Variants in TCF7L2 observed in about 807,000 individuals in gnomAD.
TCF7L2 encodes transcription factor 7 like 2, also known as transcription factor 7-like 2.
In TCF7L2, 23 loss-of-function variants were observed where a neutral mutation model predicts 77.9. The observed-to-expected ratio is 0.30, with a 90% CI of 0.21 to 0.42. The LOEUF (loss-of-function observed/expected upper bound fraction) is 0.42. Ranked by LOEUF, TCF7L2 falls within the 10% of genes least tolerant of loss-of-function variation. The probability of loss-of-function intolerance (pLI) is 1.00; values close to 1 mark genes in which losing one functional copy is unlikely to be tolerated. For missense variants in TCF7L2, 654 were observed against 793.1 expected (o/e 0.82, Z 2.11); for synonymous variants, 413 against 340.2 (o/e 1.21, Z -2.36).
At chr10:113,155,366 G>A (rs183375019) in intron 11 of TCF7L2, among the ~76,000 whole-genome samples, 32 of 152,060 alleles carry the variant, frequency 2.1e-4, no homozygotes, top group Admixed American at 1.2e-3. Context: ...TACCCATATC[G>A]TAGGCCCTTT....
intron 5 of TCF7L2, among the ~76,000 whole-genome samples, chr10:113,044,658 G>T (rs2053108217): frequency 6.6e-6 from 1 of 152,206 alleles, no homozygotes; most frequent in Admixed American, 6.5e-5. Context: ...GGCCTGGGCG[G>T]CTCCCTGAGG....
chr10:113,118,034 GT>G (rs1226936364), intron 5 of TCF7L2, among the ~76,000 whole-genome samples: 2 of 144,852 alleles, frequency 1.4e-5, no homozygotes, highest in African/African-American at 2.6e-5. Context: ...CAAAAACCAA[GT>G]TTTTTTTGGT....
intron 3 of TCF7L2, among the ~76,000 whole-genome samples, chr10:112,956,276 T>G (rs1161613920): frequency 2.0e-5 from 3 of 151,262 alleles, no homozygotes; most frequent in African/African-American, 7.3e-5. Context: ...AAATGCTCTC[T>G]CCTGCACAGG....
chr10:112,978,701 G>T (rs1451825230), intron 4 of TCF7L2, among the ~76,000 whole-genome samples: 1 of 148,232 alleles, frequency 6.7e-6, no homozygotes, highest in African/African-American at 2.5e-5. Flanking sequence ...GGATGGTCTC[G>T]ATCTCCTGAC....
chr10:113,096,745 C>G (rs1402881926), intron 5 of TCF7L2, among the ~76,000 whole-genome samples: 1 of 152,098 alleles, frequency 6.6e-6, no homozygotes, highest in Non-Finnish European at 1.5e-5. Flanking sequence ...GCCAGTGCAG[C>G]AGGGAGAAAA....
Position 113,041,106 on chromosome 10 carries a change from G to A in TCF7L2, c.552+980G>A, listed in dbSNP as rs2052365900. Among the ~76,000 whole-genome samples, 3 of 152,140 alleles carry A rather than the reference G, an allele frequency of 2.0e-5. No individual in the cohort carries two copies. The South Asian group carries it at 6.2e-4, about 31-fold the overall frequency. On this transcript the variant is annotated intron_variant, in intron 5 of 13. Coordinates refer to ENST00000627217, the MANE Select transcript of TCF7L2 (RefSeq NM_001146274.2). ...TGCATTCTGCCATTTTGGGCTAACT[G>A]CCTCCTTATTTTGGAGCTTGCTGTA...
chr10:112,959,166 T>C (rs1367747532), intron 3 of TCF7L2, among the ~76,000 whole-genome samples: 1 of 130,250 alleles, frequency 7.7e-6, no homozygotes, highest in Non-Finnish European at 1.6e-5. Flanking sequence ...AAGTTCAAGC[T>C]CAACTTTTTT....
At chr10:113,121,340 A>G (rs1161668723) in intron 5 of TCF7L2, among the ~76,000 whole-genome samples, 2 of 152,204 alleles carry the variant, frequency 1.3e-5, no homozygotes, top group Non-Finnish European at 2.9e-5. Flanking sequence ...TTTTCATGAC[A>G]ACATGCCATT....
intron 4 of TCF7L2, among the ~76,000 whole-genome samples, chr10:112,977,659 C>G (rs1282633375): frequency 6.6e-6 from 1 of 152,138 alleles, no homozygotes; most frequent in Non-Finnish European, 1.5e-5. Flanking sequence ...ATTTAAATCT[C>G]ATAATGTTAA....
intron 8 of TCF7L2, 153 bp downstream of exon 8, chr10:113,146,250 C>T (rs2069370619): frequency 5.8e-6 from 4 of 689,008 alleles, no homozygotes; most frequent in Middle Eastern, 3.3e-4. Context: ...CCAGAAAATC[C>T]TGAAAAATTG....
chr10:113,045,878 G>A (rs1023463141), intron 5 of TCF7L2, among the ~76,000 whole-genome samples: 1 of 152,164 alleles, frequency 6.6e-6, no homozygotes, highest in Admixed American at 6.5e-5. Context: ...TCGCAGTCAG[G>A]GCTGTGGTCA....
intron 4 of TCF7L2, among the ~76,000 whole-genome samples, chr10:112,992,463 T>A (rs1451124962): frequency 6.6e-6 from 1 of 152,138 alleles, no homozygotes; most frequent in Non-Finnish European, 1.5e-5. Context: ...GAGTTCCAGC[T>A]CACTGCCAAT....
At chr10:113,150,908 G>GTTTTTTTTTTTTTTTTTTTTTTTT in intron 8 of TCF7L2, 90 bp from the exon 9 acceptor site, 1 of 1,307,884 alleles carries the variant, frequency 7.6e-7, no homozygotes, top group Middle Eastern at 2.0e-4. Context: ...GTTACGTGCT[G>GTTTTTTTTTTTTTTTTTTTTTTTT]TTTTTTTTTT....
At chr10:113,095,273 G>A (rs75351685) in intron 5 of TCF7L2, among the ~76,000 whole-genome samples, 2,033 of 152,290 alleles carry the variant, frequency 0.013, 21 homozygotes, top group South Asian at 0.02. Flanking sequence ...TGCTTCGCAT[G>A]TATAGCCCCG....
At chr10:112,993,795 G>A (rs1036589953) in intron 4 of TCF7L2, among the ~76,000 whole-genome samples, 4 of 152,190 alleles carry the variant, frequency 2.6e-5, no homozygotes, top group Non-Finnish European at 4.4e-5. Flanking sequence ...GGTGGCTTAC[G>A]CCTGTAATCC....
chr10:112,988,101 C>T (rs946750603), intron 4 of TCF7L2, among the ~76,000 whole-genome samples: 4 of 148,432 alleles, frequency 2.7e-5, no homozygotes, highest in South Asian at 2.1e-4. Flanking sequence ...CTGTGAATCC[C>T]GTGTGTGTGT....
chr10:113,148,700 T>C (rs1224640452), intron 8 of TCF7L2, among the ~76,000 whole-genome samples: 2 of 152,220 alleles, frequency 1.3e-5, no homozygotes, highest in Non-Finnish European at 2.9e-5. Context: ...TTAGAATTTT[T>C]AGGGTGTTTA....
Position 113,131,429 on chromosome 10 carries a change from G to T in TCF7L2, c.553-9755G>T, listed in dbSNP as rs2066584213. ...ACTGTCAGGAATGGTGGTGAAGAGA[G>T]TGGAGGCTGTGTTGCAAATGTGTAT... On this transcript the variant is annotated intron_variant, in intron 5 of 13. Coordinates refer to ENST00000627217, the MANE Select transcript of TCF7L2 (RefSeq NM_001146274.2). Among the ~76,000 whole-genome samples the T allele has an allele frequency of 2.0e-5, 3 of 152,210 alleles. No homozygotes were observed. In the South Asian group the frequency reaches 6.2e-4, roughly 32 times the overall value.
In TCF7L2 at chr10:113,166,063, T is replaced by C; in HGVS notation, c.*91T>C. The C allele has an allele frequency of 7.8e-7, 1 of 1,283,406 alleles. No individual in the cohort carries two copies. The highest frequency in any genetic ancestry group is 1.0e-6 in the Non-Finnish European group (1 of 972,664). The allele number at this position is 1,283,406 out of a possible 1,614,324, so 79.5% of individuals were successfully genotyped here. ...ACCCCCACCTTGAAAGGTTTTGTTT[T>C]GTACTCTCTTAATTTTGTGCCATGT... On this transcript the variant is annotated 3_prime_UTR_variant, in exon 14 of 14. Transcript: ENST00000627217.
Sources: allele counts gnomAD v4.1 joint callset (sites outside exome capture counted in the v4.1 genomes callset), GRCh38; gene constraint gnomAD v4.1.1; transcripts MANE v1.5; gene names NCBI Gene and HGNC (gene_info 2026-07-23, HGNC 2026-07-21).